ELP3: variants seen among roughly 807,000 people sequenced by gnomAD.
ELP3 encodes the protein elongator complex protein 3.
Under a neutral mutation model 74.9 loss-of-function variants are expected in ELP3, and 56 were observed. The ratio of observed to expected loss-of-function variants is 0.75; its 90% CI spans 0.60 to 0.93. ELP3 has a LOEUF of 0.93. Among genes scored for constraint, ELP3 ranks in the 40% least tolerant of loss-of-function variants. The probability of loss-of-function intolerance (pLI) is 0.00; values close to 1 mark genes in which losing one functional copy is unlikely to be tolerated. For synonymous variants in ELP3, 222 were observed against 239.8 expected, an observed-to-expected ratio of 0.93 and a Z score of 0.68; for missense variants, 573 against 686.5, an observed-to-expected ratio of 0.83 and a Z score of 1.85.
At chr8:28,169,809 T>C (rs1213099955) in intron 14 of ELP3, among the ~76,000 whole-genome samples, 1 of 152,210 alleles carries the variant, frequency 6.6e-6, no homozygotes, top group East Asian at 1.9e-4. Flanking sequence ...CCATTGGAGC[T>C]GAAGGATCCC....
In ELP3 at chr8:28,156,390, T is replaced by C. The variant is rs565861772; in HGVS notation, c.1191+358T>C. On this transcript the variant is annotated intron_variant, in intron 11 of 14. Coordinates refer to ENST00000256398, the MANE Select transcript of ELP3 (RefSeq NM_018091.6). ...GTATAATCATTTGAAAAGACAAGTA[T>C]TATGTGCATGAAATAATTGCCAAAA... 3.3e-5 allele frequency among the ~76,000 whole-genome samples: 5 copies of C among 152,336 alleles called. No homozygotes were observed. The South Asian group carries it at 1.0e-3, about 32-fold the overall frequency.
At chr8:28,179,544 T>G (rs916298723) in intron 14 of ELP3, among the ~76,000 whole-genome samples, 5 of 152,086 alleles carry the variant, frequency 3.3e-5, no homozygotes, top group African/African-American at 1.2e-4. Flanking sequence ...AGGATTCAAG[T>G]GCGTTACATT....
At chr8:28,154,056 A>G (rs1412905254) in intron 10 of ELP3, among the ~76,000 whole-genome samples, 1 of 152,226 alleles carries the variant, frequency 6.6e-6, no homozygotes, top group Non-Finnish European at 1.5e-5. Flanking sequence ...TCCTAAATGC[A>G]AGAAGGCTGT....
intron 10 of ELP3, among the ~76,000 whole-genome samples, chr8:28,146,978 A>C (rs1813458412): frequency 6.6e-6 from 1 of 152,222 alleles, no homozygotes; most frequent in South Asian, 2.1e-4. Context: ...GCCAGCTTCA[A>C]GGATATGTGA....
rs1045199643 is a variant in ELP3, at chr8:28,160,451, C to T, written c.1480C>T (p.His494Tyr). 6.2e-7 allele frequency: 1 copy of T among 1,613,194 alleles called. No homozygotes were observed. The highest frequency in any genetic ancestry group is 1.7e-4 in the Middle Eastern group (1 of 6,058). ...CAGCCGGGATCCTACTAAATTTCAG[C>T]ATCAGGTATCCTGTATTCCATTTCT... ...VSSRDPTKFQ[H>Y]QGFGMLLMEE... Residue 494 changes from histidine to tyrosine, a missense_variant, in exon 13 of 15, where the codon CAT (histidine) becomes TAT (tyrosine). By Grantham distance (83) the His-to-Tyr change is moderately conservative (BLOSUM62 2). Transcript: ENST00000256398.
chr8:28,172,661 C>T (rs1814576478), intron 14 of ELP3, among the ~76,000 whole-genome samples: 5 of 152,054 alleles, frequency 3.3e-5, no homozygotes, highest in Admixed American at 2.0e-4. Flanking sequence ...CCTAATTCCT[C>T]TGGCTAGAAC....
rs368354209 is a variant in ELP3 at position 28,097,307 on chromosome 8, C to T, written c.108C>T (p.Ile36=). 15 of 1,611,306 alleles carry T rather than the reference C, an allele frequency of 9.3e-6. No individual in the cohort carries two copies. The highest frequency in any genetic ancestry group is 1.6e-4 in the Middle Eastern group (1 of 6,076). Residue 36 remains isoleucine, a synonymous_variant, in exon 2 of 15, where the codon ATC becomes ATT. Transcript: ENST00000256398. ...AAGCCCACGAGCAGGGGAAAGACAT[C>T]GATCTAAATAAGTAAGTGGATATAA... The part of the protein sequence containing the change: ...LIEAHEQGKD[I]DLNKVKTKTA...
At chr8:28,091,830 T>C (rs1337828592), upstream of ELP3, among the ~76,000 whole-genome samples, 2 of 152,228 alleles carry the variant, frequency 1.3e-5, no homozygotes, top group Non-Finnish European at 2.9e-5. Flanking sequence ...CCTGTGGTTT[T>C]TCCAAAGAGG....
chr8:28,106,622 A>G, intron 3 of ELP3, 91 bp from the exon 4 acceptor site: 1 of 961,742 alleles, frequency 1.0e-6, no homozygotes, highest in South Asian at 1.5e-5. Flanking sequence ...CTCTGGTTGC[A>G]TTCCTCTCCT....
intron 5 of ELP3, 117 bp from the exon 6 acceptor site, chr8:28,110,253 T>TA (rs1811862386): frequency 6.8e-6 from 6 of 882,430 alleles, no homozygotes; most frequent in Non-Finnish European, 1.1e-5. Context: ...TTAATGCGGG[T>TA]ACAAGCCACG....
chr8:28,094,742 A>C lies in ELP3; in HGVS notation c.19+1509A>C, dbSNP rs1468412258. On this transcript the variant is annotated intron_variant, in intron 1 of 14. Coordinates refer to ENST00000256398, the MANE Select transcript of ELP3 (RefSeq NM_018091.6). ...GGGTGACCGAGCAAGACTCTGTCTC[A>C]AAAAGAAAAAGAAAAAGAAAAAAAA... Among the ~76,000 whole-genome samples the C allele has an allele frequency of 6.1e-5, 9 of 147,688 alleles. No homozygotes were observed. The East Asian group carries it at 1.9e-3, about 31-fold the overall frequency.
intron 7 of ELP3, chr8:28,129,288 C>T: frequency 3.8e-6 from 2 of 521,252 alleles, no homozygotes; most frequent in South Asian, 5.1e-5. Context: ...CCTCATTTTG[C>T]AGTTAAAGGA....
intron 14 of ELP3, among the ~76,000 whole-genome samples, chr8:28,179,640 T>C (rs1220038161): frequency 2.0e-5 from 3 of 152,222 alleles, no homozygotes; most frequent in Admixed American, 6.5e-5. Flanking sequence ...CTTATTTTCC[T>C]GCAACTCAGC....
chr8:28,168,481 A>T (rs1171894032), intron 14 of ELP3, among the ~76,000 whole-genome samples: 1 of 152,116 alleles, frequency 6.6e-6, no homozygotes, highest in Non-Finnish European at 1.5e-5. Flanking sequence ...TGTTCCTCTT[A>T]GTTTATGGAT....
At chr8:28,181,833 G>A (rs539482865) in intron 14 of ELP3, among the ~76,000 whole-genome samples, 2 of 152,304 alleles carry the variant, frequency 1.3e-5, no homozygotes, top group African/African-American at 2.4e-5. Flanking sequence ...TTTCTCCTAG[G>A]ACAATAATTG....
chr8:28,092,786 TC>T (rs1585619966), upstream of ELP3: 1 of 162,912 alleles, frequency 6.1e-6, no homozygotes, highest in Non-Finnish European at 1.3e-5. Flanking sequence ...CCATTCGCGT[TC>T]CCACCCACCC....
chr8:28,099,215 T>A (rs1013526384), intron 2 of ELP3, among the ~76,000 whole-genome samples: 2 of 152,248 alleles, frequency 1.3e-5, no homozygotes, highest in Non-Finnish European at 2.9e-5. Flanking sequence ...AAGTTTTTTT[T>A]AAACTTTCAA....
intron 12 of ELP3, 65 bp downstream of exon 12, chr8:28,158,698 A>G: frequency 7.6e-7 from 1 of 1,310,452 alleles, no homozygotes; most frequent in South Asian, 1.2e-5. Flanking sequence ...CCCTGGGCCC[A>G]CATATTCTTA....
intron 7 of ELP3, among the ~76,000 whole-genome samples, chr8:28,120,425 G>C (rs1462309060): frequency 6.6e-6 from 1 of 152,148 alleles, no homozygotes; most frequent in Non-Finnish European, 1.5e-5. Context: ...TTTTTGATTA[G>C]GTGGTTGTAT....
Sources: gnomAD v4.1 joint callset for allele counts (sites outside exome capture counted in the v4.1 genomes callset) on GRCh38, gnomAD v4.1.1 for gene constraint, MANE v1.5 for transcripts, NCBI Gene and HGNC (gene_info 2026-07-23, HGNC 2026-07-21) for gene names.